Variants in TAF15 observed in about 807,000 individuals in gnomAD.
TAF15 encodes the protein TATA-binding protein-associated factor 2N.
TAF15 carries 37 observed loss-of-function variants against 102.5 expected under a neutral mutation model. The observed-to-expected ratio is 0.36, with a 90% CI of 0.28 to 0.47. The LOEUF is 0.47. Ranked by LOEUF, TAF15 falls within the 20% of genes least tolerant of loss-of-function variation. The pLI is 0.99. For synonymous variants in TAF15, 273 were observed against 259.2 expected (o/e 1.05, Z -0.51); for missense variants, 652 against 760.7 (o/e 0.86, Z 1.68).
intron 7 of TAF15, chr17:35,830,252 C>T (rs759935611): frequency 4.6e-5 from 7 of 151,996 alleles, no homozygotes; most frequent in Non-Finnish European, 1.0e-4. Flanking sequence ...GAGTTCGTGA[C>T]CAGACTAGGC....
chr17:35,841,286 A>G (rs1361125336), intron 11 of TAF15, among the ~76,000 whole-genome samples: 3 of 152,248 alleles, frequency 2.0e-5, no homozygotes, highest in Non-Finnish European at 2.9e-5. Context: ...ACAGTAGGCA[A>G]TGCATATAAG....
chr17:35,823,688 G>A (rs2087291135), intron 6 of TAF15: 2 of 285,212 alleles, frequency 7.0e-6, no homozygotes, highest in Non-Finnish European at 1.3e-5. Context: ...CTGGGCTACA[G>A]AGCGAGACTC....
chr17:35,810,194 T>TCTTCACCCTAATTTAGCTTCCC (rs1224940081), intron 1 of TAF15: 2 of 155,298 alleles, frequency 1.3e-5, no homozygotes, highest in African/African-American at 5.0e-5. Flanking sequence ...TTTAGCTTCC[T>TCTTCACCCTAATTTAGCTTCCC]CTTCACCCTC....
At chr17:35,809,975 GGCCTCGGGCCAGTCATCTCGCC>G (rs1244540397) in intron 1 of TAF15, 1 of 353,502 alleles carries the variant, frequency 2.8e-6, no homozygotes, top group East Asian at 6.3e-5. Flanking sequence ...CTTTCAGCGA[GGCCTCGGGCCAGTCATCTCGCC>G]GCCTCGTACC....
At chr17:35,836,356 T>C (rs1036153695) in intron 10 of TAF15, 115 bp downstream of exon 10, 1 of 735,916 alleles carries the variant, frequency 1.4e-6, no homozygotes, top group East Asian at 2.7e-5. Flanking sequence ...AATTTTGTGA[T>C]GCACATGCTC....
At chr17:35,843,939 A>C in intron 12 of TAF15, 138 bp from the exon 13 acceptor site, 2 of 821,614 alleles carry the variant, frequency 2.4e-6, no homozygotes, top group South Asian at 2.7e-5. Context: ...AAAGAATTAC[A>C]AAGTCCTGGT....
chr17:35,810,233 C>A, intron 1 of TAF15: 1 of 153,418 alleles, frequency 6.5e-6, no homozygotes, highest in Non-Finnish European at 1.4e-5. Context: ...ACCAGTTTAT[C>A]TCCTGAAAGA....
At chr17:35,835,651 G>A (rs901539078) in intron 9 of TAF15, among the ~76,000 whole-genome samples, 1 of 152,198 alleles carries the variant, frequency 6.6e-6, no homozygotes, top group Non-Finnish European at 1.5e-5. Flanking sequence ...CCGCACTCTG[G>A]TATATACAAA....
intron 1 of TAF15, among the ~76,000 whole-genome samples, chr17:35,813,202 A>G (rs991934322): frequency 3.3e-5 from 5 of 152,060 alleles, no homozygotes; most frequent in Non-Finnish European, 7.4e-5. Context: ...AACGTTTAGA[A>G]TTAATTAGGA....
intron 1 of TAF15, among the ~76,000 whole-genome samples, chr17:35,816,515 T>G (rs2087196504): frequency 6.6e-6 from 1 of 152,048 alleles, no homozygotes; most frequent in South Asian, 2.1e-4. Context: ...TTTCATTAGG[T>G]TTTGGTGTGT....
At chr17:35,822,546 A>G in intron 5 of TAF15, 94 bp from the exon 6 acceptor site, 1 of 1,149,990 alleles carries the variant, frequency 8.7e-7, no homozygotes, top group East Asian at 2.5e-5. Flanking sequence ...TAATGTCTCT[A>G]ACTGGTCAGG....
At position 35,844,620 on chromosome 17, in the gene TAF15, A is replaced by G. The variant is rs1327069727; in HGVS notation, c.1321A>G (p.Arg441Gly). The change falls in exon 15 of 16, where the codon AGA becomes GGA. Residue 441 changes from arginine to glycine, a missense_variant. Around this residue, in one of 3 missense-constraint regions of TAF15, gnomAD observed 368 missense variants for 367.5 expected, o/e 1.00. Transcript: ENST00000605844. ...CAGCGGTGGTGGCTACAGCGGAGAT[A>G]GAAGTGGGGGCGGCTATGGTGGAGA... ...RSSGGGYSGD[R>G]SGGGYGGDRS... 6.0e-6 allele frequency: 9 copies of G among 1,511,838 alleles called. No individual in the cohort carries two copies. The highest frequency in any genetic ancestry group is 2.5e-5 in the East Asian group (1 of 40,324). 93.7% of individuals were successfully genotyped at this position (1,511,838 alleles called of 1,614,324 possible).
At chr17:35,835,251 A>G (rs1296375156) in intron 9 of TAF15, among the ~76,000 whole-genome samples, 1 of 152,230 alleles carries the variant, frequency 6.6e-6, no homozygotes, top group Non-Finnish European at 1.5e-5. Context: ...TTAGAAGTAG[A>G]AAAACTATTT....
intron 7 of TAF15, among the ~76,000 whole-genome samples, chr17:35,832,690 T>A (rs1230546334): frequency 3.9e-5 from 6 of 152,134 alleles, no homozygotes; most frequent in African/African-American, 1.2e-4. Context: ...AAAACTTGAG[T>A]GTTTTTATTG....
chr17:35,811,500 ATAAAAATAATACCTTTGACTTTGTG>A (rs1346391327), intron 1 of TAF15: 4 of 152,236 alleles, frequency 2.6e-5, no homozygotes, highest in African/African-American at 9.6e-5. Context: ...TAATAAGTGT[ATAAAAATAATACCTTTGACTTTGTG>A]TAAAAATAAT....
At position 35,846,951 on chromosome 17, in the gene TAF15, G is replaced by A. The variant is rs2087630572; in HGVS notation, c.*6G>A. 1.2e-6 allele frequency: 2 copies of A among 1,613,742 alleles called. No homozygotes were observed. Among genetic ancestry groups the A allele is most frequent in the Non-Finnish European group, 1.7e-6 (2 of 1,179,948 alleles). ...AGCGCAACCGACCATACTGATGACT[G>A]TTTTGAATGTTCCTTTGTCTCTGAC... is the stretch of plus-strand genomic sequence containing the variant. On this transcript the variant is annotated 3_prime_UTR_variant, in exon 16 of 16. Coordinates refer to ENST00000605844, the MANE Select transcript of TAF15 (RefSeq NM_139215.3).
intron 9 of TAF15, among the ~76,000 whole-genome samples, chr17:35,835,284 A>G (rs992742357): frequency 1.3e-5 from 2 of 152,194 alleles, no homozygotes; most frequent in African/African-American, 4.8e-5. Flanking sequence ...CCTACGTTGG[A>G]TTGGTAGTCT....
intron 5 of TAF15, 104 bp downstream of exon 5, chr17:35,820,541 T>A: frequency 9.6e-7 from 1 of 1,037,570 alleles, no homozygotes; most frequent in Non-Finnish European, 1.4e-6. Context: ...TTTTTTTTTT[T>A]TAAAGGAAAT....
chr17:35,842,720 A>ATT (rs200846170), intron 12 of TAF15, among the ~76,000 whole-genome samples: 1 of 145,722 alleles, frequency 6.9e-6, no homozygotes, highest in African/African-American at 2.5e-5. Context: ...TCAGGAGGCA[A>ATT]TTTTTTTTTT....
Sources: gnomAD v4.1 joint callset for allele counts (sites outside exome capture counted in the v4.1 genomes callset) on GRCh38, gnomAD v4.1.1 for gene constraint, gnomAD v4.1.1 regional missense constraint, MANE v1.5 for transcripts, NCBI Gene and HGNC (gene_info 2026-07-23, HGNC 2026-07-21) for gene names.